The following RGS12 variants were observed in gnomAD, a reference collection of about 807,000 sequenced individuals.
The protein encoded by RGS12 is regulator of G-protein signaling 12.
A neutral mutation model predicts 120.1 loss-of-function variants in RGS12; 66 were observed. That is an observed-to-expected ratio of 0.55 (90% CI 0.45 to 0.67). RGS12 has a LOEUF of 0.67. RGS12 is among the 30% of genes least tolerant of loss of function. The probability of loss-of-function intolerance (pLI) is 0.00; values close to 1 mark genes in which losing one functional copy is unlikely to be tolerated. For missense variants in RGS12, 1,859 were observed against 1,957.7 expected (o/e 0.95, Z 0.95); for synonymous variants, 827 against 804.7 (o/e 1.03, Z -0.47).
intron 3 of RGS12, among the ~76,000 whole-genome samples, chr4:3,362,832 A>T (rs1560114839): frequency 1.5e-5 from 2 of 132,424 alleles, no homozygotes; most frequent in African/African-American, 5.9e-5. Context: ...AGTGTGTTTG[A>T]GTGTGAGACT....
At chr4:3,344,536 G>A (rs978732827) in intron 3 of RGS12, among the ~76,000 whole-genome samples, 2 of 152,234 alleles carry the variant, frequency 1.3e-5, no homozygotes, top group Non-Finnish European at 2.9e-5. Context: ...TGACAGAGCT[G>A]TGCTGGTGCC....
chr4:3,309,622 T>C (rs1309867828), intron 1 of RGS12, among the ~76,000 whole-genome samples: 1 of 121,522 alleles, frequency 8.2e-6, no homozygotes, highest in African/African-American at 3.6e-5. Context: ...GAATGGCAGG[T>C]GTCCGCTGAG....
chr4:3,413,132 C>A lies in RGS12; in HGVS notation c.2021-940C>A, dbSNP rs113547436. On this transcript the variant is annotated intron_variant, in intron 4 of 17. Transcript: ENST00000336727. ...GCTCGCGTCAGGAGGGACGGGGGCG[C>A]CCCCACACTGCTCGCGTCAGGAGGG... 72 of 13,308 alleles carry A rather than the reference C, an allele frequency of 5.4e-3. 15 individuals carry two copies. Among genetic ancestry groups the A allele is most frequent in the African/African-American group, 0.032 (55 of 1,740 alleles). 0.8% of individuals were successfully genotyped at this position (13,308 alleles called of 1,614,324 possible).
In RGS12 at chr4:3,388,835, G is replaced by A. The variant is rs1719146385; in HGVS notation, c.2020+2398G>A. 3.3e-5 allele frequency among the ~76,000 whole-genome samples: 5 copies of A among 152,228 alleles called. No individual in the cohort carries two copies. The South Asian group carries it at 1.0e-3, about 32-fold the overall frequency. ...TCTTTTTATAGGCTGTGGTCAGTGG[G>A]AGACTCAGTGCACTGAGGTGGGCCT... On this transcript the variant is annotated intron_variant, in intron 4 of 17. Transcript: ENST00000336727.
rs747894526 is a variant in RGS12, at chr4:3,430,465, G to A, written c.3624G>A (p.Leu1208=). The change falls in exon 17 of 18, where the codon CTG becomes CTA. Residue 1208 remains leucine (L), a synonymous_variant. Transcript: ENST00000336727. ...QSNRADDQRG[L]LRKEDLVLPE... is the part of the protein sequence containing the mutation. ...ACAGAGCAGATGACCAACGTGGGCTGCTAAGGAAGGAAGACCTGGTGTTGC... is the reference window on the plus strand; with the variant it reads ...ACAGAGCAGATGACCAACGTGGGCTACTAAGGAAGGAAGACCTGGTGTTGC... 6.2e-7 allele frequency: 1 copy of A among 1,613,914 alleles called. No homozygotes were observed. Among genetic ancestry groups the A allele is most frequent in the Admixed American group, 1.7e-5 (1 of 60,030 alleles).
At position 3,323,247 on chromosome 4, in the gene RGS12, C is replaced by T. The variant is rs1001948836; in HGVS notation, c.1881+5196C>T. Among the ~76,000 whole-genome samples the T allele has an allele frequency of 8.5e-5, 13 of 152,324 alleles. 1 individual carries two copies. The highest frequency in any genetic ancestry group is 2.1e-4 in the South Asian group (1 of 4,828). On this transcript the variant is annotated intron_variant, in intron 2 of 17. Transcript: ENST00000336727. ...CGTGTTGGTGCAGTTTTATTTCTTG[C>T]GGTGCAGTGTGTTGGTGGGTGCTCA... is the stretch of plus-strand genomic sequence containing the variant.
rs187720001 is a variant in RGS12 at position 3,332,266 on chromosome 4, G to A, written c.1882-10671G>A. 3.3e-5 allele frequency among the ~76,000 whole-genome samples: 5 copies of A among 152,346 alleles called. No homozygotes were observed. In the East Asian group the frequency reaches 9.6e-4, roughly 29 times the overall value. On this transcript the variant is annotated intron_variant, in intron 2 of 17. Transcript: ENST00000336727. ...AAGTGTCTTAAGAGTTGGAATCGGTGGCGGTGTATTGATTCGTTTTGCTGC... is the reference window on the plus strand; with the variant it reads ...AAGTGTCTTAAGAGTTGGAATCGGTAGCGGTGTATTGATTCGTTTTGCTGC...
chr4:3,429,745 C>A (rs1457823339), intron 16 of RGS12, among the ~76,000 whole-genome samples: 1 of 152,198 alleles, frequency 6.6e-6, no homozygotes, highest in Non-Finnish European at 1.5e-5. Flanking sequence ...AGTGGGAGGC[C>A]CAGGGGCACC....
upstream of RGS12, among the ~76,000 whole-genome samples, chr4:3,292,407 G>A (rs1723074171): frequency 1.3e-5 from 2 of 152,304 alleles, no homozygotes; most frequent in Admixed American, 1.3e-4. Flanking sequence ...CCCGGGGCCC[G>A]GAGGGAACGG....
Position 3,390,084 on chromosome 4 carries a change from C to T in RGS12, c.2020+3647C>T, listed in dbSNP as rs1719323556. On this transcript the variant is annotated intron_variant, in intron 4 of 17. Transcript: ENST00000336727. This position sits in a 1 kb window ranked among gnomAD's most constrained non-coding sequence, Gnocchi z 4.6. ...TTGCCCCCACAGCAGCAGCAGTGAT[C>T]TGCCCAGCCCCTGCACTGGACCCCT... 6.6e-6 allele frequency among the ~76,000 whole-genome samples: 1 copy of T among 152,222 alleles called. No homozygotes were observed. The highest frequency in any genetic ancestry group is 2.1e-4 in the South Asian group (1 of 4,836).
chr4:3,439,037 C>T (rs1047564645), intron 17 of RGS12, among the ~76,000 whole-genome samples: 1 of 152,066 alleles, frequency 6.6e-6, no homozygotes, highest in African/African-American at 2.4e-5. Flanking sequence ...TGGAACTGAA[C>T]CCTAGTGCTC....
At chr4:3,334,052 T>A (rs1712177981) in intron 2 of RGS12, among the ~76,000 whole-genome samples, 2 of 152,228 alleles carry the variant, frequency 1.3e-5, no homozygotes, top group South Asian at 4.1e-4. Context: ...CCATTATAAA[T>A]GGTACCTTTT....
chr4:3,390,288 A>C lies in RGS12; in HGVS notation c.2020+3851A>C, dbSNP rs567664191. ...GCAGCTTCCATCATTTTAATTATTC[A>C]TCTGTGTTGGTGCTTTTGTCCCCCC... On this transcript the variant is annotated intron_variant, in intron 4 of 17. Transcript: ENST00000336727. This position sits in a 1 kb window ranked among gnomAD's most constrained non-coding sequence, Gnocchi z 4.6. Among the ~76,000 whole-genome samples, 1 of 151,924 alleles carries C rather than the reference A, an allele frequency of 6.6e-6. No individual in the cohort carries two copies. Among genetic ancestry groups the C allele is most frequent in the Non-Finnish European group, 1.5e-5 (1 of 67,982 alleles).
chr4:3,383,274 G>A (rs1718457544), intron 3 of RGS12, among the ~76,000 whole-genome samples: 1 of 151,984 alleles, frequency 6.6e-6, no homozygotes, highest in Non-Finnish European at 1.5e-5. Context: ...CTCTTTTCAG[G>A]GATTTCCCTT....
chr4:3,362,986 T>C (rs1715866200), intron 3 of RGS12, among the ~76,000 whole-genome samples: 3 of 150,840 alleles, frequency 2.0e-5, no homozygotes, highest in African/African-American at 4.9e-5. Flanking sequence ...TGAGGGTGTG[T>C]ATATGTGTGA....
At chr4:3,286,023 G>A in the RGS12 span, among the ~76,000 whole-genome samples, 1 of 152,238 alleles carries the variant, frequency 6.6e-6, no homozygotes, top group South Asian at 2.1e-4. Context: ...CGCTGGGGCC[G>A]TCACCAAAAG....
chr4:3,302,204 G>A (rs1723721341), intron 1 of RGS12, among the ~76,000 whole-genome samples: 1 of 152,192 alleles, frequency 6.6e-6, no homozygotes, highest in Non-Finnish European at 1.5e-5. Context: ...CAGCTGTGGC[G>A]CACGGGGGTA....
At chr4:3,293,780 C>A (rs1445936737) in intron 1 of RGS12, among the ~76,000 whole-genome samples, 1 of 151,690 alleles carries the variant, frequency 6.6e-6, no homozygotes. Context: ...GGGCCCAGAG[C>A]TGTGGAGTGT....
At chr4:3,429,427 C>T (rs2109222170) in intron 16 of RGS12, among the ~76,000 whole-genome samples, 1 of 152,330 alleles carries the variant, frequency 6.6e-6, no homozygotes, top group South Asian at 2.1e-4. Flanking sequence ...GGAGTCTGAC[C>T]TCACGGTAAA....
Sources: allele counts gnomAD v4.1 joint callset (sites outside exome capture counted in the v4.1 genomes callset), GRCh38; gene constraint gnomAD v4.1.1; non-coding constraint Gnocchi (gnomAD v3.1); transcripts MANE v1.5; gene names NCBI Gene and HGNC (gene_info 2026-07-23, HGNC 2026-07-21).